Variants in MED16 observed in about 807,000 individuals in gnomAD.
MED16 encodes the protein mediator complex subunit 16, also known as mediator of RNA polymerase II transcription subunit 16.
Under a neutral mutation model 84.4 loss-of-function variants are expected in MED16, and 81 were observed. The observed-to-expected ratio is 0.96, with a 90% CI of 0.80 to 1.15. The LOEUF (loss-of-function observed/expected upper bound fraction) is 1.15, where lower values mean the gene tolerates loss of function less well. MED16 is among the 50% of genes most tolerant of loss of function. The probability of loss-of-function intolerance (pLI) is 0.00; values close to 1 mark genes in which losing one functional copy is unlikely to be tolerated. For synonymous variants in MED16, 897 were observed against 552.2 expected (o/e 1.62, Z -8.76); for missense variants, 1,585 against 1,245.9 (o/e 1.27, Z -4.10).
In MED16 at chr19:891,168, G is replaced by T; in HGVS notation, c.-18-19C>A. The T allele has an allele frequency of 6.3e-7, 1 of 1,591,780 alleles. No individual in the cohort carries two copies. Among genetic ancestry groups the T allele is most frequent in the African/African-American group, 1.3e-5 (1 of 74,638 alleles). On this transcript the variant is annotated intron_variant, in intron 1 of 15. Transcript: ENST00000325464. ...CCAGCTCCTGCGGGAGGGAGGTGTG[G>T]TGGGACGTCTATGTTGGCTGAGCAC...
chr19:870,656 G>A (rs182583402), intron 13 of MED16, among the ~76,000 whole-genome samples: 1 of 151,988 alleles, frequency 6.6e-6, no homozygotes, highest in Non-Finnish European at 1.5e-5. Context: ...ACACCACTAG[G>A]GGATGGAGTT....
At position 886,040 on chromosome 19, in the gene MED16, G is replaced by A. The variant is rs150897851; in HGVS notation, c.609C>T (p.Thr203=). The A allele has an allele frequency of 1.4e-5, 22 of 1,597,186 alleles. No homozygotes were observed. The highest frequency in any genetic ancestry group is 1.7e-4 in the Middle Eastern group (1 of 6,038). The change falls in exon 5 of 16, where the codon ACC becomes ACT. Residue 203 remains threonine (T), a synonymous_variant. Transcript: ENST00000325464. The stretch of plus-strand genomic sequence containing the variant: ...GGCCGCGCAGCCGGCACAGGCTCTC[G>A]GTGGACGTCAGCACCTGCCCGCTGG... ...LKPSGQVLTS[T]ESLCRLRGRV... is the part of the protein sequence containing the mutation.
intron 10 of MED16, 84 bp downstream of exon 10, chr19:875,160 T>C (rs905172103): frequency 2.0e-6 from 2 of 986,020 alleles, no homozygotes; most frequent in African/African-American, 1.7e-5. Flanking sequence ...TAAGACCCTA[T>C]CTCAAAAGAG....
At position 882,431 on chromosome 19, in the gene MED16, G is replaced by A. The variant is rs545533698; in HGVS notation, c.986-717C>T. Among the ~76,000 whole-genome samples, 29 of 152,334 alleles carry A rather than the reference G, an allele frequency of 1.9e-4. 1 individual carries two copies. In the South Asian group the frequency reaches 5.8e-3, roughly 30 times the overall value. ...AGTCCCAGCTACTCAGGAGGCTGAG[G>A]TAGGATTGCTCGAGCCCAGGAAGAT... On this transcript the variant is annotated intron_variant, in intron 6 of 15. Coordinates refer to ENST00000325464, the MANE Select transcript of MED16 (RefSeq NM_005481.3).
At position 890,152 on chromosome 19, in the gene MED16, C is replaced by G. The variant is rs1400973171; in HGVS notation, c.262G>C (p.Glu88Gln). The G allele has an allele frequency of 6.5e-7, 1 of 1,549,834 alleles. No homozygotes were observed. Among genetic ancestry groups the G allele is most frequent in the East Asian group, 2.4e-5 (1 of 40,940 alleles). The change falls in exon 3 of 16, where the codon GAG (glutamate) becomes CAG (glutamine). Residue 88 changes from glutamate to glutamine, a missense_variant. Transcript: ENST00000325464. ...AGCGCCTCACCTGACTGGTCCCACT[C>G]CAGGCAGGTGATGGCCTCGTGGTGC... ...SEHHEAITCL[E>Q]WDQSGSRLLS...
chr19:870,561 G>C (rs1353642121), intron 13 of MED16, among the ~76,000 whole-genome samples: 1 of 125,762 alleles, frequency 8.0e-6, no homozygotes, highest in Non-Finnish European at 1.7e-5. Context: ...ACCCTGTCGG[G>C]GAGACAAAAA....
At chr19:885,576 C>G (rs544615267) in intron 5 of MED16, among the ~76,000 whole-genome samples, 194 bp downstream of exon 5, 1 of 152,124 alleles carries the variant, frequency 6.6e-6, no homozygotes, top group Non-Finnish European at 1.5e-5. Context: ...CGCCCCGAAC[C>G]GAGGGATTGG....
intron 5 of MED16, 32 bp from the exon 6 acceptor site, chr19:885,040 G>GCACAAAA (rs2036498231): frequency 4.6e-6 from 7 of 1,531,272 alleles, no homozygotes; most frequent in Non-Finnish European, 5.3e-6. Context: ...GGGCTGACCC[G>GCACAAAA]GCACTGCTGT....
intron 8 of MED16, among the ~76,000 whole-genome samples, chr19:879,067 C>A (rs1160583131): frequency 1.2e-3 from 2 of 1,696 alleles, no homozygotes; most frequent in South Asian, 0.027. Context: ...GCCCACCAGC[C>A]CCAGCCCCAG....
rs748056405 is a variant in MED16, at chr19:873,515, C to T, written c.1839G>A (p.Ala613=). The T allele has an allele frequency of 4.3e-6, 7 of 1,612,188 alleles. No homozygotes were observed. The Admixed American group carries it at 5.0e-5, about 12-fold the overall frequency. Residue 613 remains alanine, a synonymous_variant, in exon 11 of 16, where the codon GCG becomes GCA. Transcript: ENST00000325464. ...EFVLDMNTLQ[A]LQQLLQWVGD... Reference sequence around the variant, plus strand: ...CCACCCACTGCAAGAGCTGCTGCAGCGCCTGCAGTGTGTTCATGTCCAGCA... The same window carrying T: ...CCACCCACTGCAAGAGCTGCTGCAGTGCCTGCAGTGTGTTCATGTCCAGCA...
intron 6 of MED16, among the ~76,000 whole-genome samples, chr19:884,378 G>A (rs889297177): frequency 2.6e-5 from 4 of 152,134 alleles, no homozygotes; most frequent in African/African-American, 9.7e-5. Context: ...CGGGCGGATA[G>A]AGATGGGAAT....
At chr19:883,193 G>A (rs2036455030) in intron 6 of MED16, among the ~76,000 whole-genome samples, 1 of 152,224 alleles carries the variant, frequency 6.6e-6, no homozygotes, top group East Asian at 1.9e-4. Flanking sequence ...TGGGGATGTG[G>A]GGCAGTGGGT....
At chr19:868,822 CG>C in intron 14 of MED16, 40 bp downstream of exon 14, 1 of 1,525,798 alleles carries the variant, frequency 6.6e-7, no homozygotes, top group Non-Finnish European at 8.8e-7. Context: ...CCATCCCCAG[CG>C]GCACATCTCT....
intron 2 of MED16, 116 bp from the exon 3 acceptor site, chr19:890,360 A>C: frequency 1.5e-6 from 1 of 681,198 alleles, no homozygotes; most frequent in Non-Finnish European, 2.4e-6. Flanking sequence ...AAGGTCACAG[A>C]ACTGCTGTCA....
At chr19:885,633 GC>G in intron 5 of MED16, 136 bp downstream of exon 5, 2 of 1,030,940 alleles carry the variant, frequency 1.9e-6, no homozygotes, top group Non-Finnish European at 2.8e-6. Flanking sequence ...CTCCCCTGGA[GC>G]CCCCGGGAGG....
chr19:884,670 C>T (rs943653848), intron 6 of MED16, among the ~76,000 whole-genome samples: 19 of 152,292 alleles, frequency 1.2e-4, no homozygotes, highest in Non-Finnish European at 1.3e-4. Flanking sequence ...TGGTGGCAGC[C>T]GCCGCAGCGG....
rs377668622 is a variant in MED16 at position 886,125 on chromosome 19, G to A, written c.524C>T (p.Pro175Leu). 1.9e-5 allele frequency: 30 copies of A among 1,573,600 alleles called. No homozygotes were observed. Among genetic ancestry groups the A allele is most frequent in the Non-Finnish European group, 2.5e-5 (29 of 1,163,736 alleles). The part of the protein sequence containing the change: ...SPSLTLFGGK[P>L]MEGWIAVTVS... ...CGTCACCGCGATCCAGCCCTCCATGGGCTTGCCGCCGAACAGCGTGAGCGA... is the reference window on the plus strand; with the variant it reads ...CGTCACCGCGATCCAGCCCTCCATGAGCTTGCCGCCGAACAGCGTGAGCGA... Residue 175 changes from proline to leucine, a missense_variant, in exon 5 of 16, where the codon CCC (proline) becomes CTC (leucine). Pro to Leu is a moderately conservative substitution (Grantham distance 98). Transcript: ENST00000325464.
intron 7 of MED16, among the ~76,000 whole-genome samples, chr19:880,972 A>C (rs1199414365): frequency 2.0e-5 from 3 of 152,090 alleles, no homozygotes; most frequent in African/African-American, 7.2e-5. Flanking sequence ...TGGAGCATAA[A>C]CCAAGGGTTT....
intron 15 of MED16, 26 bp downstream of exon 15, chr19:868,390 G>A: frequency 2.5e-6 from 4 of 1,606,182 alleles, no homozygotes; most frequent in Non-Finnish European, 3.4e-6. Flanking sequence ...TAGCTGAGGG[G>A]CACCCGCCAC....
Sources: allele counts gnomAD v4.1 joint callset (sites outside exome capture counted in the v4.1 genomes callset), GRCh38; gene constraint gnomAD v4.1.1; transcripts MANE v1.5; gene names NCBI Gene and HGNC (gene_info 2026-07-23, HGNC 2026-07-21).